ADAMTS17: variants seen among roughly 807,000 people sequenced by gnomAD.
The protein encoded by ADAMTS17 is A disintegrin and metalloproteinase with thrombospondin motifs 17.
In ADAMTS17, 113 loss-of-function variants were observed where a neutral mutation model predicts 141.5. That is an observed-to-expected ratio of 0.80 (90% CI 0.69 to 0.93). The LOEUF (loss-of-function observed/expected upper bound fraction) is 0.93, where lower values mean the gene tolerates loss of function less well. ADAMTS17 is among the 40% of genes least tolerant of loss of function. The pLI, the probability that ADAMTS17 is intolerant of heterozygous loss-of-function variation, is 0.00. For missense variants in ADAMTS17, 1,659 were observed against 1,517.9 expected (o/e 1.09, Z -1.54); for synonymous variants, 768 against 630.6 (o/e 1.22, Z -3.27).
intron 7 of ADAMTS17, among the ~76,000 whole-genome samples, chr15:100,213,709 G>C (rs187638598): frequency 6.6e-6 from 1 of 152,288 alleles, no homozygotes; most frequent in African/African-American, 2.4e-5. Context: ...CCCTTCCAAG[G>C]CTGATCCATG....
At chr15:100,290,019 T>C (rs927908286) in intron 3 of ADAMTS17, among the ~76,000 whole-genome samples, 1 of 152,074 alleles carries the variant, frequency 6.6e-6, no homozygotes. Context: ...AGCCAGAGCA[T>C]TCAGGCAAGA....
intron 10 of ADAMTS17, among the ~76,000 whole-genome samples, chr15:100,148,977 T>C (rs1211835318): frequency 1.3e-5 from 2 of 152,060 alleles, no homozygotes; most frequent in African/African-American, 2.4e-5. Flanking sequence ...ACAGCTGGAA[T>C]AGAGTAAGTG....
At chr15:100,313,266 A>G (rs2045461120) in intron 3 of ADAMTS17, among the ~76,000 whole-genome samples, 1 of 152,246 alleles carries the variant, frequency 6.6e-6, no homozygotes. Flanking sequence ...GGATGCAAAG[A>G]GCCTAAATAA....
At chr15:100,098,218 C>A (rs992210630) in intron 14 of ADAMTS17, among the ~76,000 whole-genome samples, 1 of 151,728 alleles carries the variant, frequency 6.6e-6, no homozygotes, top group Non-Finnish European at 1.5e-5. Flanking sequence ...AATGCTTTGC[C>A]GGGGCTGACC....
At chr15:100,234,074 G>A (rs1371007235) in intron 7 of ADAMTS17, among the ~76,000 whole-genome samples, 1 of 152,180 alleles carries the variant, frequency 6.6e-6, no homozygotes, top group Non-Finnish European at 1.5e-5. Context: ...CTCCGTGGCA[G>A]GGAGGAGACC....
chr15:100,236,307 CAAGAG>C (rs1329727241), intron 7 of ADAMTS17, among the ~76,000 whole-genome samples: 1 of 134,720 alleles, frequency 7.4e-6, no homozygotes, highest in African/African-American at 2.7e-5. Context: ...AAAACCCTAA[CAAGAG>C]AAGACCCCCA....
rs2060269183 is a variant in ADAMTS17 at position 99,974,130 on chromosome 15, G to T, written c.*272C>A. 1 of 524,982 alleles carries T rather than the reference G, an allele frequency of 1.9e-6. No homozygotes were observed. The highest frequency in any genetic ancestry group is 3.2e-5 in the Admixed American group (1 of 31,550). The allele number at this position is 524,982 out of a possible 1,614,324, so 32.5% of individuals were successfully genotyped here. A position where few individuals can be genotyped will look rare whatever the true frequency, so the allele number is the denominator to read the frequency against. ...CTCTCTTGACGGTTGTCTGCCAGAGGTGCTTCCCTTCGAGGTACCTGAAAT... is the reference window on the plus strand; with the variant it reads ...CTCTCTTGACGGTTGTCTGCCAGAGTTGCTTCCCTTCGAGGTACCTGAAAT... On this transcript the variant is annotated 3_prime_UTR_variant, in exon 22 of 22. Coordinates refer to ENST00000268070, the MANE Select transcript of ADAMTS17 (RefSeq NM_139057.4).
chr15:100,330,532 G>C (rs1283965898), intron 3 of ADAMTS17, among the ~76,000 whole-genome samples: 1 of 152,128 alleles, frequency 6.6e-6, no homozygotes, highest in Non-Finnish European at 1.5e-5. Flanking sequence ...CCAGAACTCG[G>C]GAGCACTGTA....
intron 7 of ADAMTS17, among the ~76,000 whole-genome samples, chr15:100,233,860 C>T (rs1567401700): frequency 6.6e-6 from 1 of 152,020 alleles, no homozygotes; most frequent in Non-Finnish European, 1.5e-5. Context: ...GCAGAGGTGG[C>T]TTCCCGGGAG....
At chr15:100,009,746 G>A (rs1396787128) in intron 18 of ADAMTS17, among the ~76,000 whole-genome samples, 1 of 152,132 alleles carries the variant, frequency 6.6e-6, no homozygotes, top group Non-Finnish European at 1.5e-5. Context: ...CTATGTGGAC[G>A]GTCCGAACCA....
chr15:100,148,107 T>C (rs1793830409), intron 10 of ADAMTS17, among the ~76,000 whole-genome samples: 1 of 152,274 alleles, frequency 6.6e-6, no homozygotes, highest in African/African-American at 2.4e-5. Flanking sequence ...GCCACCCAGA[T>C]AACCCAAGAA....
At chr15:100,086,548 T>C (rs1035474135) in intron 15 of ADAMTS17, among the ~76,000 whole-genome samples, 5 of 152,186 alleles carry the variant, frequency 3.3e-5, no homozygotes, top group Admixed American at 2.0e-4. Context: ...TATACATTCT[T>C]CTCAGCACCA....
At chr15:100,114,174 T>A (rs59381888) in intron 13 of ADAMTS17, among the ~76,000 whole-genome samples, 7 of 147,402 alleles carry the variant, frequency 4.7e-5, no homozygotes, top group African/African-American at 1.3e-4. Context: ...TTTTTTTTTT[T>A]TAAAAAAAGG....
chr15:100,077,283 CAA>C (rs71151934), intron 15 of ADAMTS17, among the ~76,000 whole-genome samples: 601 of 54,536 alleles, frequency 0.011, 2 homozygotes, highest in African/African-American at 0.035. Flanking sequence ...ATCTCTACCA[CAA>C]AAAAAAAAAA....
At chr15:100,241,668 C>G (rs1047446054) in intron 7 of ADAMTS17, among the ~76,000 whole-genome samples, 3 of 152,214 alleles carry the variant, frequency 2.0e-5, no homozygotes, top group African/African-American at 7.2e-5. Context: ...CCACCCCATT[C>G]CACCAGGCAG....
At chr15:100,315,233 C>G (rs1261376754) in intron 3 of ADAMTS17, among the ~76,000 whole-genome samples, 1 of 152,202 alleles carries the variant, frequency 6.6e-6, no homozygotes, top group Non-Finnish European at 1.5e-5. Flanking sequence ...GATAAGGAGT[C>G]CACCGTGCAG....
At chr15:100,256,666 C>T (rs2043337650) in intron 6 of ADAMTS17, 1 of 152,486 alleles carries the variant, frequency 6.6e-6, no homozygotes, top group South Asian at 2.1e-4. Context: ...AAGGTCTGGC[C>T]AGAGGGATCC....
intron 10 of ADAMTS17, among the ~76,000 whole-genome samples, chr15:100,136,117 T>G (rs1430786097): frequency 1.3e-5 from 2 of 152,200 alleles, no homozygotes; most frequent in Admixed American, 1.3e-4. Context: ...CCAAAGACAT[T>G]GTCAAGAAAG....
At chr15:100,045,607 A>C (rs74037319) in intron 18 of ADAMTS17, among the ~76,000 whole-genome samples, 2,565 of 152,194 alleles carry the variant, frequency 0.017, 65 homozygotes, top group African/African-American at 0.056. Flanking sequence ...GATTCTTGAG[A>C]TATATGCAGA....
Sources: gnomAD v4.1 joint callset for allele counts (sites outside exome capture counted in the v4.1 genomes callset) on GRCh38, gnomAD v4.1.1 for gene constraint, MANE v1.5 for transcripts, NCBI Gene and HGNC (gene_info 2026-07-23, HGNC 2026-07-21) for gene names.